Variants in MACROD2 observed in about 807,000 individuals in gnomAD.
MACROD2 encodes mono-ADP ribosylhydrolase 2.
In MACROD2, 36 loss-of-function variants were observed where a neutral mutation model predicts 70.4. The observed-to-expected ratio is 0.51, with a 90% CI of 0.39 to 0.68. MACROD2 has a LOEUF of 0.68. Among genes scored for constraint, MACROD2 ranks in the 30% least tolerant of loss-of-function variants. MACROD2 has a pLI of 0.00. For missense variants in MACROD2, 496 were observed against 538.4 expected, an observed-to-expected ratio of 0.92 and a Z score of 0.78; for synonymous variants, 172 against 178.8, an observed-to-expected ratio of 0.96 and a Z score of 0.30.
chr20:14,326,456 C>T lies in MACROD2; in HGVS notation c.272-167023C>T, dbSNP rs763883408. ...CCACTGTCCTTACAATCAAACAGTT[C>T]TGCATTGAGATCCTTAATAGCCATC... On this transcript the variant is annotated intron_variant, in intron 3 of 17. Transcript: ENST00000684519. This position sits in a 1 kb window ranked among gnomAD's most constrained non-coding sequence, Gnocchi z 5.5. 4 of 1,613,844 alleles carry T rather than the reference C, an allele frequency of 2.5e-6. No homozygotes were observed. Among genetic ancestry groups the T allele is most frequent in the Admixed American group, 3.3e-5 (2 of 59,982 alleles).
chr20:15,184,944 T>G (rs1488447611), intron 5 of MACROD2, among the ~76,000 whole-genome samples: 1 of 152,202 alleles, frequency 6.6e-6, no homozygotes. Flanking sequence ...GTTGTTTCAG[T>G]AGGGAGGCAG....
intron 3 of MACROD2, among the ~76,000 whole-genome samples, chr20:14,254,356 G>A (rs1438414866): frequency 6.6e-6 from 1 of 151,776 alleles, no homozygotes; most frequent in Non-Finnish European, 1.5e-5. Context: ...GTATCTACAT[G>A]ATTAGCACTG....
chr20:14,450,467 A>G (rs1483610880), intron 3 of MACROD2, among the ~76,000 whole-genome samples: 4 of 152,106 alleles, frequency 2.6e-5, no homozygotes, highest in Non-Finnish European at 4.4e-5. Flanking sequence ...ACTGTGGCCT[A>G]TGCACAACAG....
chr20:14,812,719 A>G (rs1217748194), intron 5 of MACROD2, among the ~76,000 whole-genome samples: 1 of 152,024 alleles, frequency 6.6e-6, no homozygotes, highest in Non-Finnish European at 1.5e-5. Flanking sequence ...ACTCAACACA[A>G]CACTTCTCAC....
chr20:15,910,394 ATGTGTGTGTGTGTG>A (rs3072220), intron 10 of MACROD2, among the ~76,000 whole-genome samples: 3 of 146,344 alleles, frequency 2.0e-5, no homozygotes, highest in Admixed American at 6.7e-5. Flanking sequence ...GTCAGAGGAC[ATGTGTGTGTGTGTG>A]TGTGTGTGTG....
chr20:15,955,749 A>T (rs1461909861), intron 12 of MACROD2, among the ~76,000 whole-genome samples: 1 of 152,248 alleles, frequency 6.6e-6, no homozygotes, highest in African/African-American at 2.4e-5. Context: ...AATTTTAATT[A>T]TACATTTTAT....
At chr20:14,290,761 A>G (rs894594376) in intron 3 of MACROD2, among the ~76,000 whole-genome samples, 2 of 152,180 alleles carry the variant, frequency 1.3e-5, no homozygotes, top group African/African-American at 4.8e-5. Flanking sequence ...CACCCGCCTC[A>G]GCCTCCCAGA....
rs201111710 is a variant in MACROD2 at position 14,048,723 on chromosome 20, C to CA, written c.164-36891dup. Among the ~76,000 whole-genome samples the CA allele has an allele frequency of 8.2e-3, 1,237 of 150,824 alleles. 20 individuals carry two copies. The highest frequency in any genetic ancestry group is 0.028 in the African/African-American group (1,140 of 41,128). On this transcript the variant is annotated intron_variant, in intron 2 of 17. Coordinates refer to ENST00000684519, the MANE Select transcript of MACROD2 (RefSeq NM_001351661.2). ...AATTGGAATGGAGAATTTTCTGGAC[C>CA]AAAAAAAGAAAGGTTTATGTTAAAC...
intron 3 of MACROD2, among the ~76,000 whole-genome samples, chr20:14,412,239 C>T (rs774190064): frequency 7.2e-5 from 11 of 152,112 alleles, no homozygotes; most frequent in Non-Finnish European, 1.6e-4. Context: ...GACCCTGGGC[C>T]CTTTGGGAAT....
At position 15,167,294 on chromosome 20, in the gene MACROD2, A is replaced by G. The variant is rs1601167621; in HGVS notation, c.419-62646A>G. Among the ~76,000 whole-genome samples, 3 of 152,320 alleles carry G rather than the reference A, an allele frequency of 2.0e-5. No homozygotes were observed. In the East Asian group the frequency reaches 5.8e-4, roughly 29 times the overall value. ...CAGGCAACTACTTACTTCTCTTAATAGTGCTCTTTTAATCATCCTAGCTTT... is the reference window on the plus strand; with the variant it reads ...CAGGCAACTACTTACTTCTCTTAATGGTGCTCTTTTAATCATCCTAGCTTT... On this transcript the variant is annotated intron_variant, in intron 5 of 17. Coordinates refer to ENST00000684519, the MANE Select transcript of MACROD2 (RefSeq NM_001351661.2).
chr20:14,515,463 A>ACACACACACGCGCGCG (rs34190778), intron 4 of MACROD2, among the ~76,000 whole-genome samples: 23 of 138,818 alleles, frequency 1.7e-4, no homozygotes, highest in African/African-American at 5.2e-4. Context: ...ATACACACAC[A>ACACACACACGCGCGCG]CGCACACACA....
At chr20:14,086,985 C>A (rs1371542410) in intron 3 of MACROD2, among the ~76,000 whole-genome samples, 2 of 152,146 alleles carry the variant, frequency 1.3e-5, no homozygotes, top group African/African-American at 4.8e-5. Flanking sequence ...AGTGCATTGG[C>A]AGGTGAACAG....
chr20:15,830,992 T>G (rs1021459887), intron 8 of MACROD2, among the ~76,000 whole-genome samples: 1 of 152,194 alleles, frequency 6.6e-6, no homozygotes, highest in Non-Finnish European at 1.5e-5. Flanking sequence ...ATCAGGCTGT[T>G]TGACTAGATT....
chr20:15,872,994 T>C (rs951765486), intron 9 of MACROD2, among the ~76,000 whole-genome samples: 3 of 152,184 alleles, frequency 2.0e-5, no homozygotes, highest in South Asian at 2.1e-4. Flanking sequence ...AACCATACTA[T>C]TGAACTTAGG....
At chr20:15,069,055 T>C (rs961762180) in intron 5 of MACROD2, among the ~76,000 whole-genome samples, 8 of 152,172 alleles carry the variant, frequency 5.3e-5, no homozygotes, top group Non-Finnish European at 7.4e-5. Context: ...TGGGAACTAG[T>C]GTAGAGAACA....
intron 5 of MACROD2, among the ~76,000 whole-genome samples, chr20:14,881,538 C>G (rs1455016844): frequency 1.3e-5 from 2 of 152,008 alleles, no homozygotes; most frequent in African/African-American, 4.8e-5. Flanking sequence ...GCACCCCACA[C>G]ACGGCCTCTT....
At chr20:15,521,835 T>G (rs1054149243) in intron 8 of MACROD2, among the ~76,000 whole-genome samples, 4 of 152,202 alleles carry the variant, frequency 2.6e-5, no homozygotes, top group African/African-American at 7.2e-5. Flanking sequence ...AAATGGGGAT[T>G]TTCTTTGGAG....
chr20:14,234,201 A>G (rs781232523), intron 3 of MACROD2, among the ~76,000 whole-genome samples: 3 of 152,286 alleles, frequency 2.0e-5, no homozygotes, highest in South Asian at 2.1e-4. Flanking sequence ...AAAACTTAAA[A>G]CTGCACTACT....
chr20:14,763,572 A>G, intron 5 of MACROD2, among the ~76,000 whole-genome samples: 1 of 152,132 alleles, frequency 6.6e-6, no homozygotes, highest in Non-Finnish European at 1.5e-5. Context: ...GTAAAAGAAG[A>G]AGTTCTTGAG....
Sources: gnomAD v4.1 joint callset for allele counts (sites outside exome capture counted in the v4.1 genomes callset) on GRCh38, gnomAD v4.1.1 for gene constraint, Gnocchi (gnomAD v3.1) non-coding constraint, MANE v1.5 for transcripts, NCBI Gene and HGNC (gene_info 2026-07-23, HGNC 2026-07-21) for gene names.